The following IGSF11 variants were observed in gnomAD, a reference collection of about 807,000 sequenced individuals.
IGSF11 encodes immunoglobulin superfamily member 11.
IGSF11 carries 22 observed loss-of-function variants against 41.0 expected under a neutral mutation model. The ratio of observed to expected loss-of-function variants is 0.54; its 90% confidence interval spans 0.38 to 0.77. IGSF11 has a LOEUF of 0.77. IGSF11 is among the 30% of genes least tolerant of loss of function. The pLI is 0.00. For missense variants in IGSF11, 444 were observed against 530.8 expected (o/e 0.84, Z 1.61); for synonymous variants, 219 against 201.3 (o/e 1.09, Z -0.74).
intron 1 of IGSF11, among the ~76,000 whole-genome samples, chr3:119,008,668 G>A (rs1387749247): frequency 6.6e-6 from 1 of 152,198 alleles, no homozygotes; most frequent in African/African-American, 2.4e-5. Context: ...CTTCTACAAA[G>A]AAACATGCCC....
intron 1 of IGSF11, among the ~76,000 whole-genome samples, chr3:118,998,059 ATTTTGAT>A (rs1198524756): frequency 6.6e-6 from 1 of 152,130 alleles, no homozygotes; most frequent in African/African-American, 2.4e-5. Context: ...TGGCGCTTCT[ATTTTGAT>A]TTTTAAGTCA....
chr3:119,126,468 GC>G (rs2077406267), intron 1 of IGSF11, among the ~76,000 whole-genome samples: 1 of 152,222 alleles, frequency 6.6e-6, no homozygotes, highest in Non-Finnish European at 1.5e-5. Flanking sequence ...AATCCAGGCA[GC>G]CCAGACAAGT....
chr3:119,138,350 A>T (rs1441409844), intron 1 of IGSF11, among the ~76,000 whole-genome samples: 2 of 152,162 alleles, frequency 1.3e-5, no homozygotes, highest in Non-Finnish European at 2.9e-5. Flanking sequence ...TGGATTTTTT[A>T]AATGTGGTAT....
intron 1 of IGSF11, among the ~76,000 whole-genome samples, chr3:119,093,405 G>GT (rs11352194): frequency 0.048 from 7,115 of 147,126 alleles, 269 homozygotes; most frequent in Non-Finnish European, 0.06. Flanking sequence ...TCTGAGACCC[G>GT]TTTTTTTTTT....
Position 119,116,993 on chromosome 3 carries a change from C to T in IGSF11, c.-13-11788G>A, listed in dbSNP as rs569609727. Among the ~76,000 whole-genome samples the T allele has an allele frequency of 7.9e-5, 12 of 152,130 alleles. No homozygotes were observed. The South Asian group carries it at 8.3e-4, about 11-fold the overall frequency. ...GTACCTGGCCACCCCCACCCCTTTT[C>T]CCAAACTGTCCTTGAAAAACCCCTA... On this transcript the variant is annotated intron_variant, in intron 1 of 7. Coordinates refer to the IGSF11 transcript ENST00000425327.
chr3:119,073,217 T>C (rs182897353), intron 1 of IGSF11, among the ~76,000 whole-genome samples: 46 of 152,266 alleles, frequency 3.0e-4, no homozygotes, highest in East Asian at 9.7e-4. Context: ...AGAGTGCTGA[T>C]TGGTGCATTC....
intron 4 of IGSF11, among the ~76,000 whole-genome samples, chr3:118,908,935 T>A (rs892091052): frequency 1.3e-5 from 2 of 152,210 alleles, no homozygotes; most frequent in African/African-American, 4.8e-5. Context: ...TTCATCTATA[T>A]TTTAGTTTCC....
rs994756961 is a variant in IGSF11, at chr3:118,900,764, A to G, written c.*1756T>C. On this transcript the variant is annotated 3_prime_UTR_variant, in exon 7 of 7. Coordinates refer to ENST00000393775, the MANE Select transcript of IGSF11 (RefSeq NM_001015887.3). ...GGTATTTTCACTTTTCTTTATAAAAAGTATAGACATTCATTTATTTAAATT... is the reference window on the plus strand; with the variant it reads ...GGTATTTTCACTTTTCTTTATAAAAGGTATAGACATTCATTTATTTAAATT... 5.9e-5 allele frequency: 9 copies of G among 152,664 alleles called. No individual in the cohort carries two copies. Among genetic ancestry groups the G allele is most frequent in the Non-Finnish European group, 1.2e-4 (8 of 68,024 alleles). 9.5% of individuals were successfully genotyped at this position (152,664 alleles called of 1,614,324 possible). A position where few individuals can be genotyped will look rare whatever the true frequency, so the allele number is the denominator to read the frequency against.
At chr3:119,000,408 G>T (rs1386120339) in intron 1 of IGSF11, among the ~76,000 whole-genome samples, 1 of 151,242 alleles carries the variant, frequency 6.6e-6, no homozygotes, top group Non-Finnish European at 1.5e-5. Flanking sequence ...AGATTGCTCA[G>T]AGTTTGCACG....
At chr3:119,035,519 C>T (rs1168923370), upstream of IGSF11, among the ~76,000 whole-genome samples, 2 of 152,174 alleles carry the variant, frequency 1.3e-5, no homozygotes, top group Non-Finnish European at 2.9e-5. Flanking sequence ...TTTAAGTTTT[C>T]CAGCTTAAAC....
chr3:119,110,721 G>A (rs916714404), intron 1 of IGSF11, among the ~76,000 whole-genome samples: 1 of 152,110 alleles, frequency 6.6e-6, no homozygotes, highest in Non-Finnish European at 1.5e-5. Flanking sequence ...TTTTGCAGCG[G>A]CTGGTACCAG....
At chr3:119,048,194 T>A (rs1941452537) in intron 1 of IGSF11, among the ~76,000 whole-genome samples, 2 of 152,062 alleles carry the variant, frequency 1.3e-5, no homozygotes, top group African/African-American at 2.4e-5. Context: ...CTTCAAAAAA[T>A]TAATGAATCC....
intron 1 of IGSF11, among the ~76,000 whole-genome samples, chr3:118,941,787 A>C (rs1186121619): frequency 6.6e-6 from 1 of 152,242 alleles, no homozygotes; most frequent in East Asian, 1.9e-4. Flanking sequence ...TTACTTATGA[A>C]CAAAAAAAAC....
chr3:119,125,059 A>T (rs924870992), intron 1 of IGSF11, among the ~76,000 whole-genome samples: 3 of 152,258 alleles, frequency 2.0e-5, no homozygotes, highest in African/African-American at 7.2e-5. Flanking sequence ...TATATCTGGC[A>T]AAAATGTCTT....
intron 1 of IGSF11, among the ~76,000 whole-genome samples, chr3:119,023,249 C>T (rs928829467): frequency 3.8e-5 from 4 of 104,148 alleles, no homozygotes; most frequent in African/African-American, 1.6e-4. Flanking sequence ...GGCGACAGAG[C>T]GAGACTCCGT....
At chr3:118,988,579 T>C (rs1451158510) in intron 1 of IGSF11, among the ~76,000 whole-genome samples, 1 of 152,170 alleles carries the variant, frequency 6.6e-6, no homozygotes, top group Non-Finnish European at 1.5e-5. Flanking sequence ...GATCTTTGAT[T>C]AATGATCTGT....
chr3:119,030,692 C>T (rs1352301986), intron 1 of IGSF11, among the ~76,000 whole-genome samples: 2 of 152,166 alleles, frequency 1.3e-5, no homozygotes, highest in African/African-American at 4.8e-5. Context: ...CTCTCTTAAG[C>T]CAGTTGCTCA....
intron 1 of IGSF11, among the ~76,000 whole-genome samples, chr3:119,123,238 G>A (rs971333972): frequency 5.9e-5 from 9 of 152,168 alleles, no homozygotes; most frequent in Admixed American, 1.3e-4. Flanking sequence ...TGGTGGTAGC[G>A]GCCACAGGGT....
At chr3:119,092,419 T>C (rs1292284478) in intron 1 of IGSF11, among the ~76,000 whole-genome samples, 1 of 152,148 alleles carries the variant, frequency 6.6e-6, no homozygotes, top group Non-Finnish European at 1.5e-5. Context: ...CACTGCAACC[T>C]CAGCCTCCCA....
Sources: gnomAD v4.1 joint callset for allele counts (sites outside exome capture counted in the v4.1 genomes callset) on GRCh38, gnomAD v4.1.1 for gene constraint, MANE v1.5 for transcripts, NCBI Gene and HGNC (gene_info 2026-07-23, HGNC 2026-07-21) for gene names.